The following AEN variants were observed in gnomAD, a reference collection of about 807,000 sequenced individuals.
The protein encoded by AEN is apoptosis-enhancing nuclease.
In AEN, 21 loss-of-function variants were observed where a neutral mutation model predicts 17.7. That is an observed-to-expected ratio of 1.19 (90% CI 0.84 to 1.71). The LOEUF (loss-of-function observed/expected upper bound fraction) is 1.71, where lower values mean the gene tolerates loss of function less well. Among genes scored for constraint, AEN ranks in the 40% most tolerant of loss-of-function variants. The pLI is 0.00. For synonymous variants in AEN, 190 were observed against 173.0 expected, an observed-to-expected ratio of 1.10 and a Z score of -0.77; for missense variants, 462 against 435.9, an observed-to-expected ratio of 1.06 and a Z score of -0.53.
At chr15:88,612,588 T>TTTATTTAC in the AEN span, among the ~76,000 whole-genome samples, 1 of 120,644 alleles carries the variant, frequency 8.3e-6, no homozygotes, top group Non-Finnish European at 1.8e-5. Flanking sequence ...TATTTATTTA[T>TTTATTTAC]TTATTTATTT....
In AEN at chr15:88,629,273, C is replaced by T; in HGVS notation, c.588C>T (p.His196=). The part of the protein sequence containing the change: ...KGKVVVGHAL[H]NDFQALKYVH... ...AGGTGGTGGTGGGGCACGCGCTGCA[C>T]AACGACTTCCAGGCGCTCAAGTATG... Residue 196 remains histidine, a synonymous_variant, in exon 3 of 4, where the codon CAC becomes CAT. Coordinates refer to ENST00000332810, the MANE Select transcript of AEN (RefSeq NM_022767.4). The T allele has an allele frequency of 6.2e-7, 1 of 1,614,156 alleles. No homozygotes were observed. The highest frequency in any genetic ancestry group is 2.2e-5 in the East Asian group (1 of 44,874).
chr15:88,609,228 C>G, the AEN span, among the ~76,000 whole-genome samples: 14 of 152,172 alleles, frequency 9.2e-5, no homozygotes, highest in African/African-American at 3.4e-4. Context: ...ATTAGCCCTT[C>G]AATATTAGGA....
chr15:88,629,209 C>T lies in AEN; in HGVS notation c.541-17C>T, dbSNP rs1808260937. On this transcript the variant is annotated splice_polypyrimidine_tract_variant and intron_variant, in intron 2 of 3. Transcript: ENST00000332810. ...GGGGTGTGGGGTGACCTCCCTGACT[C>T]CTCTTTCTGCTCACAGATCCTTAAG... is the stretch of plus-strand genomic sequence containing the variant. 6.2e-7 allele frequency: 1 copy of T among 1,613,400 alleles called. No individual in the cohort carries two copies. Among genetic ancestry groups the T allele is most frequent in the Non-Finnish European group, 8.5e-7 (1 of 1,179,526 alleles).
upstream of AEN, among the ~76,000 whole-genome samples, chr15:88,617,117 G>T (rs116452806): frequency 6.6e-6 from 1 of 152,080 alleles, no homozygotes. Context: ...TAGAGGTGGG[G>T]TCTCACTATG....
At chr15:88,610,112 C>T in the AEN span, among the ~76,000 whole-genome samples, 1 of 152,154 alleles carries the variant, frequency 6.6e-6, no homozygotes, top group Non-Finnish European at 1.5e-5. Context: ...TATTACTTCT[C>T]AAAGTTTATT....
chr15:88,629,975 C>A, intron 3 of AEN, 83 bp from the exon 4 acceptor site: 3 of 1,314,372 alleles, frequency 2.3e-6, no homozygotes, highest in Non-Finnish European at 3.3e-6. Context: ...GCACAAAGAG[C>A]CCTGGGAAAC....
the AEN span, among the ~76,000 whole-genome samples, chr15:88,616,316 A>G: frequency 1.3e-5 from 2 of 152,058 alleles, no homozygotes; most frequent in Admixed American, 6.5e-5. Flanking sequence ...GTGGTCTTCA[A>G]CTTCTGAACT....
intron 1 of AEN, among the ~76,000 whole-genome samples, chr15:88,623,845 GGA>G (rs1022524292): frequency 3.3e-5 from 5 of 152,244 alleles, no homozygotes; most frequent in African/African-American, 1.2e-4. Flanking sequence ...ATGGTGCAAA[GGA>G]GAGAGGAGCG....
intron 1 of AEN, among the ~76,000 whole-genome samples, chr15:88,625,018 A>G (rs1453292156): frequency 2.0e-5 from 3 of 152,244 alleles, no homozygotes; most frequent in Non-Finnish European, 4.4e-5. Flanking sequence ...TGTTGGGAAG[A>G]TGCTGGGTTT....
At position 88,630,582 on chromosome 15, in the gene AEN, A is replaced by G; in HGVS notation, c.*288A>G. On this transcript the variant is annotated 3_prime_UTR_variant, in exon 4 of 4. Transcript: ENST00000332810. The surrounding 1 kb of genome is among the most constrained non-coding windows in gnomAD (Gnocchi z 5.1). ...GGACCATCTTCTAGGGCCCAGCAGG[A>G]GTAGGGAATGTGCCAACAGACTGCC... 2.4e-6 allele frequency: 1 copy of G among 413,126 alleles called. No homozygotes were observed. Among genetic ancestry groups the G allele is most frequent in the Non-Finnish European group, 4.5e-6 (1 of 221,732 alleles). 25.6% of individuals were successfully genotyped at this position (413,126 alleles called of 1,614,324 possible).
At chr15:88,608,641 T>C in the AEN span, among the ~76,000 whole-genome samples, 1 of 152,250 alleles carries the variant, frequency 6.6e-6, no homozygotes, top group Non-Finnish European at 1.5e-5. Context: ...TACTCAGCTC[T>C]CAGCTTTGGT....
At chr15:88,612,375 C>T in the AEN span, among the ~76,000 whole-genome samples, 68 of 151,976 alleles carry the variant, frequency 4.5e-4, 2 homozygotes, top group East Asian at 0.012. Flanking sequence ...CACCTGACCT[C>T]GGAGCTTGTC....
At chr15:88,618,142 A>T (rs541529918), upstream of AEN, among the ~76,000 whole-genome samples, 2 of 152,296 alleles carry the variant, frequency 1.3e-5, no homozygotes, top group East Asian at 3.9e-4. Context: ...CCCTGTTTAC[A>T]GAGTCTTACC....
chr15:88,625,686 AT>A (rs2057842409), intron 1 of AEN, among the ~76,000 whole-genome samples: 1 of 152,294 alleles, frequency 6.6e-6, no homozygotes, highest in African/African-American at 2.4e-5. Flanking sequence ...TATAACCTTT[AT>A]TTTCCTATAA....
At chr15:88,624,872 A>G (rs545916119) in intron 1 of AEN, among the ~76,000 whole-genome samples, 34 of 114,848 alleles carry the variant, frequency 3.0e-4, no homozygotes, top group African/African-American at 8.6e-4. Flanking sequence ...AACGAGAACG[A>G]AACTCCGCCT....
At chr15:88,606,548 T>TG in the AEN span, among the ~76,000 whole-genome samples, 72,626 of 151,460 alleles carry the variant, frequency 0.48, 17,856 homozygotes, top group East Asian at 0.72. Context: ...GGAAAGGACT[T>TG]GGCACTAGCA....
rs1270073133 is a variant in AEN at position 88,631,062 on chromosome 15, C to A, written c.*768C>A. ...AAGGCAGGTAAGCTTTGGACGAGAACTGGCATATTTATTTTGACCCAAATC... is the reference window on the plus strand; with the variant it reads ...AAGGCAGGTAAGCTTTGGACGAGAAATGGCATATTTATTTTGACCCAAATC... On this transcript the variant is annotated 3_prime_UTR_variant, in exon 4 of 4. Coordinates refer to ENST00000332810, the MANE Select transcript of AEN (RefSeq NM_022767.4). 2.2e-6 allele frequency: 1 copy of A among 452,132 alleles called. No individual in the cohort carries two copies. Among genetic ancestry groups the A allele is most frequent in the African/African-American group, 2.0e-5 (1 of 50,028 alleles). The allele number at this position is 452,132 out of a possible 1,614,324, so 28.0% of individuals were successfully genotyped here.
chr15:88,614,070 CAA>C, the AEN span, among the ~76,000 whole-genome samples: 1 of 152,120 alleles, frequency 6.6e-6, no homozygotes, highest in Non-Finnish European at 1.5e-5. Flanking sequence ...TCAGGGGACT[CAA>C]TATATATTGA....
At chr15:88,610,065 C>T in the AEN span, among the ~76,000 whole-genome samples, 1 of 152,192 alleles carries the variant, frequency 6.6e-6, no homozygotes, top group Non-Finnish European at 1.5e-5. Context: ...TGCTGTGGTT[C>T]TCTCCAAACT....
Sources: gnomAD v4.1 joint callset for allele counts (sites outside exome capture counted in the v4.1 genomes callset) on GRCh38, gnomAD v4.1.1 for gene constraint, Gnocchi (gnomAD v3.1) non-coding constraint, MANE v1.5 for transcripts, NCBI Gene and HGNC (gene_info 2026-07-23, HGNC 2026-07-21) for gene names.